The following DLGAP1 variants were observed in gnomAD, a reference collection of about 807,000 sequenced individuals.
The protein encoded by DLGAP1 is DLG associated protein 1.
In DLGAP1, 11 loss-of-function variants were observed where a neutral mutation model predicts 90.8. That is an observed-to-expected ratio of 0.12 (90% confidence interval 0.08 to 0.20). The LOEUF (loss-of-function observed/expected upper bound fraction) is 0.20, where lower values mean the gene tolerates loss of function less well. DLGAP1 is among the 10% of genes least tolerant of loss of function. DLGAP1 has a pLI of 1.00. For missense variants in DLGAP1, 1,050 were observed against 1,333.8 expected (o/e 0.79, Z 3.31); for synonymous variants, 558 against 540.7 (o/e 1.03, Z -0.44).
At chr18:4,101,365 C>A (rs984008126) in intron 2 of DLGAP1, among the ~76,000 whole-genome samples, 3 of 152,048 alleles carry the variant, frequency 2.0e-5, no homozygotes, top group Non-Finnish European at 4.4e-5. Flanking sequence ...AAGTTTGCTG[C>A]CTTATATGGG....
At chr18:4,320,717 TACACACACAC>T (rs71160954) in intron 1 of DLGAP1, among the ~76,000 whole-genome samples, 4,930 of 146,744 alleles carry the variant, frequency 0.034, 103 homozygotes, top group African/African-American at 0.046. Context: ...ATTACAATTT[TACACACACAC>T]ACACACACAC....
chr18:3,592,677 A>T (rs757531139), intron 7 of DLGAP1, among the ~76,000 whole-genome samples: 2 of 151,620 alleles, frequency 1.3e-5, no homozygotes, highest in African/African-American at 2.4e-5. Context: ...CGTCTCAAAA[A>T]AACCCAAACA....
chr18:3,944,469 A>C (rs972577213), intron 3 of DLGAP1, among the ~76,000 whole-genome samples: 1 of 152,004 alleles, frequency 6.6e-6, no homozygotes, highest in Non-Finnish European at 1.5e-5. Context: ...GCACCACTGC[A>C]CTCCAGCCTG....
chr18:3,683,849 T>C (rs947743186), intron 7 of DLGAP1, among the ~76,000 whole-genome samples: 3 of 152,184 alleles, frequency 2.0e-5, no homozygotes, highest in African/African-American at 7.2e-5. Context: ...ACTAGAGGTA[T>C]GTTTTTTGGG....
At position 4,348,400 on chromosome 18, in the gene DLGAP1, A is replaced by ATGTGTATGTGTGTGTGTGTGTGTGTGTG. The variant is rs71368742; in HGVS notation, c.-267+106605_-267+106606insCACACACACACACACACACACATACACA. Among the ~76,000 whole-genome samples, 125 of 133,562 alleles carry ATGTGTATGTGTGTGTGTGTGTGTGTGTG rather than the reference A, an allele frequency of 9.4e-4. 1 individual carries two copies. Among genetic ancestry groups the ATGTGTATGTGTGTGTGTGTGTGTGTGTG allele is most frequent in the African/African-American group, 3.6e-3 (117 of 32,718 alleles). 87.6% of individuals were successfully genotyped at this position (133,562 alleles called of 152,430 possible). ...CAGGTGCCTCAGGATGAACTCAGGAATGTGTGTGTGTGTGTGTGTGTGTGT... is the reference window on the plus strand; with the variant it reads ...CAGGTGCCTCAGGATGAACTCAGGAATGTGTATGTGTGTGTGTGTGTGTGTGTGTGTGTGTGTGTGTGTGTGTGTGTGT... On this transcript the variant is annotated intron_variant, in intron 1 of 12. Transcript: ENST00000315677.
At chr18:4,354,924 A>AAAAAAAAAAAC (rs2081475841) in intron 1 of DLGAP1, among the ~76,000 whole-genome samples, 1 of 118,438 alleles carries the variant, frequency 8.4e-6, no homozygotes, top group African/African-American at 3.4e-5. Flanking sequence ...AAAAAAAAAA[A>AAAAAAAAAAAC]TCCTCTCTAC....
Position 3,879,804 on chromosome 18 carries a change from G to A in DLGAP1, c.265C>T (p.Pro89Ser). 1 of 1,607,506 alleles carries A rather than the reference G, an allele frequency of 6.2e-7. No individual in the cohort carries two copies. Among genetic ancestry groups the A allele is most frequent in the East Asian group, 2.2e-5 (1 of 44,868 alleles). Residue 89 changes from proline to serine, a missense_variant, in exon 4 of 13, where the codon CCC becomes TCC. Transcript: ENST00000315677. This position sits in a 1 kb window ranked among gnomAD's most constrained non-coding sequence, Gnocchi z 6.6. ...TTCGCCTTGGTGGCCAGGGTGCGGGGCACCAGGGCACACTCGTCCTTCAGC... is the reference window on the plus strand; with the variant it reads ...TTCGCCTTGGTGGCCAGGGTGCGGGACACCAGGGCACACTCGTCCTTCAGC... ...QELKDECALV[P>S]RTLATKANRI...
chr18:3,540,419 G>A (rs183526951), intron 9 of DLGAP1, among the ~76,000 whole-genome samples: 131 of 139,844 alleles, frequency 9.4e-4, no homozygotes, highest in Admixed American at 1.7e-3. Context: ...GCAGTAAGCC[G>A]AGATTGCACC....
At chr18:3,791,136 G>A (rs186136664) in intron 5 of DLGAP1, among the ~76,000 whole-genome samples, 195 of 152,266 alleles carry the variant, frequency 1.3e-3, no homozygotes, top group Non-Finnish European at 2.6e-3. Context: ...TCTGGGGAAC[G>A]GTGGGGGAAT....
chr18:3,780,917 C>T (rs1291103426), intron 5 of DLGAP1, among the ~76,000 whole-genome samples: 1 of 152,106 alleles, frequency 6.6e-6, no homozygotes, highest in Non-Finnish European at 1.5e-5. Context: ...TCAAGTGATC[C>T]TCTCACTTCA....
At chr18:3,847,050 A>T (rs867260379) in intron 4 of DLGAP1, among the ~76,000 whole-genome samples, 1 of 152,200 alleles carries the variant, frequency 6.6e-6, no homozygotes, top group Non-Finnish European at 1.5e-5. Flanking sequence ...TGATCTTTTA[A>T]ATATATTGAT....
At chr18:4,120,100 A>G (rs73384802) in intron 2 of DLGAP1, among the ~76,000 whole-genome samples, 8,609 of 152,306 alleles carry the variant, frequency 0.057, 815 homozygotes, top group African/African-American at 0.19. Context: ...TTGAAAATGA[A>G]TATTTATTAT....
At chr18:4,377,069 A>G (rs1226878670) in intron 1 of DLGAP1, among the ~76,000 whole-genome samples, 2 of 152,014 alleles carry the variant, frequency 1.3e-5, no homozygotes, top group Non-Finnish European at 2.9e-5. Flanking sequence ...AAGGTCTGTG[A>G]CTCTGCCATA....
intron 1 of DLGAP1, among the ~76,000 whole-genome samples, chr18:4,286,512 C>T (rs1368886261): frequency 4.0e-5 from 6 of 151,562 alleles, no homozygotes; most frequent in Non-Finnish European, 5.9e-5. Context: ...TTTTAGGACT[C>T]CAGAATTTCA....
chr18:3,581,379 A>C (rs1183168870), intron 8 of DLGAP1, among the ~76,000 whole-genome samples: 1 of 152,104 alleles, frequency 6.6e-6, no homozygotes, highest in African/African-American at 2.4e-5. Flanking sequence ...AGGTGGGAGA[A>C]GCCTCTGCTG....
chr18:3,578,632 G>T (rs1327661481), intron 8 of DLGAP1, among the ~76,000 whole-genome samples: 1 of 150,186 alleles, frequency 6.7e-6, no homozygotes, highest in African/African-American at 2.5e-5. Flanking sequence ...TGAGATTACA[G>T]GCCTGAGCCA....
At chr18:3,698,981 C>G (rs1376111527) in intron 7 of DLGAP1, among the ~76,000 whole-genome samples, 2 of 152,060 alleles carry the variant, frequency 1.3e-5, no homozygotes, top group Non-Finnish European at 2.9e-5. Context: ...TGCTGTGTTT[C>G]TCAGCTACAT....
Position 3,677,907 on chromosome 18 carries a change from C to T in DLGAP1, c.1591+51228G>A, listed in dbSNP as rs370161071. On this transcript the variant is annotated intron_variant, in intron 7 of 12. Coordinates refer to ENST00000315677, the MANE Select transcript of DLGAP1 (RefSeq NM_004746.4). ...CTCCTGACCTCAAGTGATCTGCCTG[C>T]CTCAGCCTCCCAAAGTGCTGGGATT... Among the ~76,000 whole-genome samples, 10 of 149,170 alleles carry T rather than the reference C, an allele frequency of 6.7e-5. No individual in the cohort carries two copies. In the South Asian group the frequency reaches 2.1e-3, roughly 31 times the overall value.
At chr18:4,207,899 A>G (rs1370902462) in intron 1 of DLGAP1, among the ~76,000 whole-genome samples, 2 of 152,200 alleles carry the variant, frequency 1.3e-5, no homozygotes. Context: ...AGCAGAATAA[A>G]TGCCTCATAT....
Sources: gnomAD v4.1 joint callset for allele counts (sites outside exome capture counted in the v4.1 genomes callset) on GRCh38, gnomAD v4.1.1 for gene constraint, Gnocchi (gnomAD v3.1) non-coding constraint, MANE v1.5 for transcripts, NCBI Gene and HGNC (gene_info 2026-07-23, HGNC 2026-07-21) for gene names.